Variants in COMMD1 observed in about 807,000 individuals in gnomAD.
COMMD1 encodes the protein COMM domain-containing protein 1.
Under a neutral mutation model 17.2 loss-of-function variants are expected in COMMD1, and 10 were observed. That is an observed-to-expected ratio of 0.58 (90% CI 0.36 to 0.99). The LOEUF is 0.99. COMMD1 is among the 50% of genes least tolerant of loss of function. The probability of loss-of-function intolerance (pLI) is 0.01; values close to 1 mark genes in which losing one functional copy is unlikely to be tolerated. For synonymous variants in COMMD1, 97 were observed against 91.6 expected (o/e 1.06, Z -0.34); for missense variants, 270 against 231.8 (o/e 1.17, Z -1.07).
chr2:61,975,570 AT>A (rs146371510), intron 1 of COMMD1, among the ~76,000 whole-genome samples: 2 of 151,992 alleles, frequency 1.3e-5, no homozygotes, highest in Non-Finnish European at 2.9e-5. Flanking sequence ...GAATTATATG[AT>A]TTTTTTATAT....
chr2:61,911,609 C>G (rs1669910269), intron 1 of COMMD1, among the ~76,000 whole-genome samples: 1 of 152,190 alleles, frequency 6.6e-6, no homozygotes, highest in Non-Finnish European at 1.5e-5. Context: ...GCTGAGATTA[C>G]AGGCATGAGC....
chr2:62,016,587 T>C (rs1374069340), intron 2 of COMMD1, among the ~76,000 whole-genome samples: 1 of 151,764 alleles, frequency 6.6e-6, no homozygotes, highest in Non-Finnish European at 1.5e-5. Context: ...TGTTGAGTTG[T>C]AGGAGTTTTT....
At chr2:61,937,104 G>A (rs959934599) in intron 1 of COMMD1, among the ~76,000 whole-genome samples, 13 of 152,186 alleles carry the variant, frequency 8.5e-5, no homozygotes, top group Non-Finnish European at 1.5e-4. Flanking sequence ...AAGATAAGGG[G>A]TTGTAGACAG....
intron 2 of COMMD1, among the ~76,000 whole-genome samples, chr2:62,015,240 C>G (rs763806590): frequency 9.2e-5 from 14 of 152,090 alleles, no homozygotes; most frequent in Non-Finnish European, 1.8e-4. Context: ...GTGTATTTGC[C>G]TATTCTAGGT....
intron 1 of COMMD1, among the ~76,000 whole-genome samples, chr2:61,995,995 A>G (rs1668745299): frequency 6.6e-6 from 1 of 152,204 alleles, no homozygotes; most frequent in Non-Finnish European, 1.5e-5. Context: ...ATACTATACC[A>G]TACCATATCA....
At chr2:62,124,567 T>A (rs916873803) in intron 2 of COMMD1, among the ~76,000 whole-genome samples, 18 of 152,132 alleles carry the variant, frequency 1.2e-4, no homozygotes, top group Non-Finnish European at 2.9e-5. Flanking sequence ...TGTTTGTTTT[T>A]GAGACAGAGT....
intron 2 of COMMD1, among the ~76,000 whole-genome samples, chr2:62,067,864 C>T (rs1671096890): frequency 6.6e-6 from 1 of 152,214 alleles, no homozygotes; most frequent in Non-Finnish European, 1.5e-5. Context: ...GCTTAAAATA[C>T]TCAGTATGCC....
chr2:61,935,920 G>A (rs755261596), intron 1 of COMMD1, among the ~76,000 whole-genome samples: 11 of 151,756 alleles, frequency 7.2e-5, no homozygotes, highest in South Asian at 2.1e-4. Context: ...GGGTTCAAGC[G>A]ATTCTCCTGC....
intron 2 of COMMD1, among the ~76,000 whole-genome samples, chr2:62,052,190 C>G (rs560965065): frequency 2.0e-5 from 3 of 152,226 alleles, no homozygotes; most frequent in African/African-American, 4.8e-5. Context: ...GTGGCTCATG[C>G]CTGTAATCCC....
rs557981908 is a variant in COMMD1 at position 62,103,231 on chromosome 2, C to T, written c.463-32600C>T. ...CTGACCTCGTGATCCGCCTGCCGGC[C>T]TCCCAAAGTGCTGGGATTACAGGCA... On this transcript the variant is annotated intron_variant, in intron 2 of 2. Coordinates refer to ENST00000311832, the MANE Select transcript of COMMD1 (RefSeq NM_152516.4). Among the ~76,000 whole-genome samples the T allele has an allele frequency of 2.6e-5, 4 of 152,342 alleles. No homozygotes were observed. In the South Asian group the frequency reaches 8.3e-4, roughly 32 times the overall value.
chr2:61,934,815 G>A (rs1383144128), intron 1 of COMMD1, among the ~76,000 whole-genome samples: 5 of 152,138 alleles, frequency 3.3e-5, no homozygotes, highest in African/African-American at 1.2e-4. Flanking sequence ...ACAGGGTCTT[G>A]CTATGTTGTC....
intron 2 of COMMD1, among the ~76,000 whole-genome samples, chr2:62,131,739 C>T (rs1027467483): frequency 9.2e-5 from 14 of 151,858 alleles, no homozygotes; most frequent in African/African-American, 1.5e-4. Context: ...GATGGGGTTT[C>T]GCCATGTTGC....
At chr2:62,046,872 C>G (rs912763133) in intron 2 of COMMD1, among the ~76,000 whole-genome samples, 1 of 152,174 alleles carries the variant, frequency 6.6e-6, no homozygotes, top group Non-Finnish European at 1.5e-5. Context: ...AAATGAAGTT[C>G]TTGTGAAGCA....
chr2:62,121,935 G>A (rs1161641686), intron 2 of COMMD1, among the ~76,000 whole-genome samples: 1 of 152,044 alleles, frequency 6.6e-6, no homozygotes, highest in East Asian at 1.9e-4. Flanking sequence ...AGGACTACAG[G>A]TACCCACCAC....
At chr2:62,093,040 G>A (rs1325362348) in intron 2 of COMMD1, among the ~76,000 whole-genome samples, 1 of 152,166 alleles carries the variant, frequency 6.6e-6, no homozygotes, top group Admixed American at 6.6e-5. Context: ...TGAACAACTT[G>A]TCCAGTAAAA....
intron 1 of COMMD1, among the ~76,000 whole-genome samples, chr2:61,983,231 C>G (rs929532174): frequency 6.6e-6 from 1 of 150,548 alleles, no homozygotes; most frequent in Admixed American, 6.6e-5. Context: ...CCTCTGTCGC[C>G]CAGGTTGGAG....
intron 2 of COMMD1, among the ~76,000 whole-genome samples, chr2:62,014,542 C>CTTTTTTTTTTTTTTTTTTTTTTTT (rs67886279): frequency 4.7e-5 from 3 of 63,568 alleles, no homozygotes; most frequent in African/African-American, 2.1e-4. Context: ...CCATTTTAAC[C>CTTTTTTTTTTTTTTTTTTTTTTTT]TTTTTTTTTT....
intron 2 of COMMD1, among the ~76,000 whole-genome samples, chr2:62,084,395 TAAG>T (rs1175949681): frequency 2.0e-5 from 3 of 152,278 alleles, no homozygotes; most frequent in East Asian, 1.9e-4. Flanking sequence ...AAAATGTTAT[TAAG>T]AAGATCATAA....
chr2:61,990,909 C>T lies in COMMD1; in HGVS notation c.181-9792C>T, dbSNP rs1182432723. ...AAAAAAAAATATATATATATACACA[C>T]ACACACACACACACACACACACACA... On this transcript the variant is annotated intron_variant, in intron 1 of 2. Transcript: ENST00000311832. Among the ~76,000 whole-genome samples the T allele has an allele frequency of 2.3e-3, 333 of 147,456 alleles. 1 individual carries two copies. Among genetic ancestry groups the T allele is most frequent in the African/African-American group, 7.2e-3 (286 of 39,600 alleles).
Sources: allele counts gnomAD v4.1 joint callset (sites outside exome capture counted in the v4.1 genomes callset), GRCh38; gene constraint gnomAD v4.1.1; transcripts MANE v1.5; gene names NCBI Gene and HGNC (gene_info 2026-07-23, HGNC 2026-07-21).